SUPT3H: variants seen among roughly 807,000 people sequenced by gnomAD.
The protein encoded by SUPT3H is transcription initiation protein SPT3 homolog.
In SUPT3H, 44 loss-of-function variants were observed where a neutral mutation model predicts 44.3. The observed-to-expected ratio is 0.99, with a 90% CI of 0.78 to 1.28. The LOEUF (loss-of-function observed/expected upper bound fraction) is 1.28. Among genes scored for constraint, SUPT3H ranks in the 50% most tolerant of loss-of-function variants. SUPT3H has a pLI of 0.00. For missense variants in SUPT3H, 380 were observed against 387.1 expected (o/e 0.98, Z 0.15); for synonymous variants, 124 against 125.6 (o/e 0.99, Z 0.09).
intron 3 of SUPT3H, among the ~76,000 whole-genome samples, chr6:45,053,137 C>T (rs1040518724): frequency 1.3e-5 from 2 of 151,852 alleles, no homozygotes; most frequent in African/African-American, 4.8e-5. Context: ...TGAGCTCAAG[C>T]GATCCTCCTG....
In SUPT3H at chr6:45,019,325, G is replaced by C. The variant is rs976297133; in HGVS notation, c.273+1221C>G. On this transcript the variant is annotated intron_variant, in intron 4 of 10. Transcript: ENST00000371459. ...TCCTGGATTCATTAATTTTTTGAAG[G>C]GTTTTTTTGTGTGTCTATTTCCTTC... Among the ~76,000 whole-genome samples the C allele has an allele frequency of 2.6e-5, 4 of 151,940 alleles. No individual in the cohort carries two copies. The South Asian group carries it at 8.3e-4, about 32-fold the overall frequency.
intron 10 of SUPT3H, among the ~76,000 whole-genome samples, chr6:44,847,489 ATTT>A (rs201785834): frequency 1.4e-5 from 2 of 143,720 alleles, no homozygotes; most frequent in Non-Finnish European, 1.5e-5. Flanking sequence ...TTATGGGAAG[ATTT>A]TTTTTTTTTT....
intron 2 of SUPT3H, among the ~76,000 whole-genome samples, chr6:45,189,274 T>C (rs1814764442): frequency 6.6e-6 from 1 of 152,222 alleles, no homozygotes; most frequent in Non-Finnish European, 1.5e-5. Context: ...CTTAGTGTTA[T>C]TTTTCTCCTT....
rs1318606638 is a variant in SUPT3H at position 45,041,381 on chromosome 6, G to A, written c.187-20749C>T. Among the ~76,000 whole-genome samples the A allele has an allele frequency of 1.9e-4, 29 of 152,112 alleles. 1 individual carries two copies. The highest frequency in any genetic ancestry group is 1.9e-3 in the Admixed American group (29 of 15,272). On this transcript the variant is annotated intron_variant, in intron 3 of 10. Transcript: ENST00000371459. ...AAAGGGCATTCACTGGAGAGAGAGT[G>A]GTGGTGAGTAGCTACCAGGTACAGG...
intron 3 of SUPT3H, among the ~76,000 whole-genome samples, chr6:45,086,917 G>A (rs1022839673): frequency 3.9e-5 from 6 of 151,906 alleles, no homozygotes; most frequent in African/African-American, 1.4e-4. Flanking sequence ...TTAAAAACCT[G>A]TTGTTTCCAA....
In SUPT3H at chr6:44,990,072, A is replaced by C. The variant is rs542507481; in HGVS notation, c.504+13581T>G. Among the ~76,000 whole-genome samples the C allele has an allele frequency of 5.9e-5, 9 of 152,266 alleles. No individual in the cohort carries two copies. In the South Asian group the frequency reaches 1.5e-3, roughly 25 times the overall value. On this transcript the variant is annotated intron_variant, in intron 6 of 10. Transcript: ENST00000371459. ...GTGTGATATCCAAAAAATCTTACCA[A>C]GGCCAACGTCAAGGAGCTTTGCCCT...
chr6:45,152,816 AT>A (rs1047186576), intron 2 of SUPT3H, among the ~76,000 whole-genome samples: 2 of 151,994 alleles, frequency 1.3e-5, no homozygotes, highest in African/African-American at 4.8e-5. Context: ...TTTAAATTTA[AT>A]CATATGCTCT....
At chr6:45,230,662 C>CTATATATATA (rs66480751) in intron 2 of SUPT3H, among the ~76,000 whole-genome samples, 11 of 68,742 alleles carry the variant, frequency 1.6e-4, no homozygotes, top group African/African-American at 5.7e-4. Context: ...TTCATTCAGT[C>CTATATATATA]TATATATATA....
chr6:44,809,638 T>C (rs776584807), intron 11 of SUPT3H: 1 of 152,236 alleles, frequency 6.6e-6, no homozygotes, highest in South Asian at 2.1e-4. Flanking sequence ...AATTAAAAAC[T>C]ATTTTTAAAA....
chr6:44,954,459 C>T, intron 8 of SUPT3H, 36 bp downstream of exon 8: 1 of 1,466,380 alleles, frequency 6.8e-7, no homozygotes, highest in Non-Finnish European at 9.6e-7. Flanking sequence ...GAAAAACCAG[C>T]CAGTGTGGCC....
At chr6:44,930,104 C>T (rs1292569498) in intron 10 of SUPT3H, among the ~76,000 whole-genome samples, 2 of 151,948 alleles carry the variant, frequency 1.3e-5, no homozygotes, top group African/African-American at 2.4e-5. Context: ...TTAGGCTGGG[C>T]GAGGTGGCTC....
intron 3 of SUPT3H, among the ~76,000 whole-genome samples, chr6:45,084,464 T>C (rs919378019): frequency 1.3e-5 from 2 of 151,900 alleles, no homozygotes; most frequent in Non-Finnish European, 1.5e-5. Context: ...CCAATCAAAA[T>C]AACATGTTGG....
At chr6:45,309,201 C>T (rs1002194808) in intron 2 of SUPT3H, among the ~76,000 whole-genome samples, 49 of 147,482 alleles carry the variant, frequency 3.3e-4, no homozygotes, top group African/African-American at 1.2e-3. Context: ...AGTGCCTGAC[C>T]ACAAAGAAAT....
chr6:45,131,030 A>G (rs1803395810), intron 2 of SUPT3H, among the ~76,000 whole-genome samples: 1 of 151,994 alleles, frequency 6.6e-6, no homozygotes, highest in South Asian at 2.1e-4. Flanking sequence ...AACACTTTTA[A>G]GTAGCAAGCA....
At chr6:45,184,505 A>C (rs1349146044) in intron 2 of SUPT3H, among the ~76,000 whole-genome samples, 1 of 152,114 alleles carries the variant, frequency 6.6e-6, no homozygotes, top group Non-Finnish European at 1.5e-5. Context: ...GAACAAAAAC[A>C]ATATTTTGAA....
At chr6:45,063,450 C>G (rs201001280) in intron 3 of SUPT3H, among the ~76,000 whole-genome samples, 1 of 146,044 alleles carries the variant, frequency 6.8e-6, no homozygotes, top group African/African-American at 2.6e-5. Context: ...CGGAACAAAG[C>G]TGGACGGAGA....
chr6:45,301,585 G>A (rs1782148394), intron 2 of SUPT3H, among the ~76,000 whole-genome samples: 1 of 152,068 alleles, frequency 6.6e-6, no homozygotes, highest in Admixed American at 6.5e-5. Flanking sequence ...TCACCTTACA[G>A]AAGTGGTTCT....
chr6:45,022,844 A>G (rs1292224689), intron 3 of SUPT3H, among the ~76,000 whole-genome samples: 1 of 152,102 alleles, frequency 6.6e-6, no homozygotes, highest in Non-Finnish European at 1.5e-5. Flanking sequence ...AGCCCTATGG[A>G]ACCTGTGTAT....
At chr6:45,084,730 T>C (rs1457272877) in intron 3 of SUPT3H, among the ~76,000 whole-genome samples, 2 of 152,118 alleles carry the variant, frequency 1.3e-5, no homozygotes, top group African/African-American at 4.8e-5. Flanking sequence ...ATCAACAGTA[T>C]ATTGGATAAA....
Sources: gnomAD v4.1 joint callset for allele counts (sites outside exome capture counted in the v4.1 genomes callset) on GRCh38, gnomAD v4.1.1 for gene constraint, MANE v1.5 for transcripts, NCBI Gene and HGNC (gene_info 2026-07-23, HGNC 2026-07-21) for gene names.